Variants in FOXN3 observed in about 807,000 individuals in gnomAD.
FOXN3 encodes forkhead box N3, also known as forkhead box protein N3.
FOXN3 carries 7 observed loss-of-function variants against 38.4 expected under a neutral mutation model. The observed-to-expected ratio is 0.18, with a 90% CI of 0.10 to 0.34. The LOEUF is 0.34. Among genes scored for constraint, FOXN3 ranks in the 10% least tolerant of loss-of-function variants. The pLI, the probability that FOXN3 is intolerant of heterozygous loss-of-function variation, is 1.00. For missense variants in FOXN3, 456 were observed against 613.4 expected (o/e 0.74, Z 2.71); for synonymous variants, 230 against 242.2 (o/e 0.95, Z 0.47).
chr14:89,305,961 A>G (rs1412178823), intron 3 of FOXN3, among the ~76,000 whole-genome samples: 1 of 152,216 alleles, frequency 6.6e-6, no homozygotes, highest in Non-Finnish European at 1.5e-5. Context: ...AAGGATGAAA[A>G]GAAGCAGCTG....
At position 89,360,766 on chromosome 14, in the gene FOXN3, C is replaced by G. The variant is rs796469349; in HGVS notation, c.544-9958G>C. On this transcript the variant is annotated intron_variant, in intron 2 of 5. Transcript: ENST00000557258. ...ACCACCTCCACCACCACCTCCACCA[C>G]TACCACCTCCACCACCACCTCCACC... 6.4e-3 allele frequency among the ~76,000 whole-genome samples: 323 copies of G among 50,606 alleles called. 10 individuals are homozygous for G. The highest frequency in any genetic ancestry group is 0.038 in the Middle Eastern group (4 of 106). 33.2% of individuals were successfully genotyped at this position (50,606 alleles called of 152,430 possible).
chr14:89,609,958 C>T (rs369422497), intron 1 of FOXN3, among the ~76,000 whole-genome samples: 1 of 151,832 alleles, frequency 6.6e-6, no homozygotes. Context: ...TGGTTGTAAC[C>T]GAGGGAGAAA....
At chr14:89,257,618 C>T (rs1402529384) in intron 4 of FOXN3, among the ~76,000 whole-genome samples, 2 of 152,072 alleles carry the variant, frequency 1.3e-5, no homozygotes, top group African/African-American at 2.4e-5. Context: ...GGCATAGTGG[C>T]GCACACCTAT....
intron 1 of FOXN3, among the ~76,000 whole-genome samples, chr14:89,518,195 T>C (rs189111463): frequency 1.7e-3 from 266 of 152,294 alleles, no homozygotes; most frequent in Middle Eastern, 3.4e-3. Flanking sequence ...CCCTGAAGGT[T>C]CCCTTATCCT....
chr14:89,251,205 G>T (rs928883323), intron 4 of FOXN3, among the ~76,000 whole-genome samples: 2 of 152,156 alleles, frequency 1.3e-5, no homozygotes, highest in Admixed American at 1.3e-4. Context: ...CTAGCCTCCA[G>T]CCTTCTTCCC....
At chr14:89,205,522 C>T (rs1023111759) in intron 4 of FOXN3, among the ~76,000 whole-genome samples, 5 of 152,222 alleles carry the variant, frequency 3.3e-5, no homozygotes, top group Non-Finnish European at 5.9e-5. Context: ...AGCGGCTGGA[C>T]GTTAAGAGGA....
intron 1 of FOXN3, among the ~76,000 whole-genome samples, chr14:89,441,192 C>G (rs1566657375): frequency 6.6e-6 from 1 of 152,188 alleles, no homozygotes; most frequent in Non-Finnish European, 1.5e-5. Flanking sequence ...GGGCCCTTTC[C>G]CTCCTCCCTG....
intron 1 of FOXN3, among the ~76,000 whole-genome samples, chr14:89,444,563 C>T (rs8006343): frequency 0.49 from 73,908 of 151,860 alleles, 18,808 homozygotes; most frequent in Middle Eastern, 0.64. Flanking sequence ...AGCATGAAGG[C>T]GGCTGTATCT....
intron 4 of FOXN3, among the ~76,000 whole-genome samples, chr14:89,250,192 C>A (rs531766708): frequency 1.6e-4 from 25 of 152,284 alleles, no homozygotes; most frequent in African/African-American, 5.3e-4. Flanking sequence ...CTCACTGTAG[C>A]CTTGACTTCC....
rs1891765749 is a variant in FOXN3, at chr14:89,417,152, C to A, written c.-296G>T. 2 of 144,834 alleles carry A rather than the reference C, an allele frequency of 1.4e-5. No homozygotes were observed. Among genetic ancestry groups the A allele is most frequent in the African/African-American group, 2.5e-5 (1 of 40,452 alleles). 9.0% of individuals were successfully genotyped at this position (144,834 alleles called of 1,614,324 possible). Reference sequence around the variant, plus strand: ...TCCCCGCCCCGTCCCGCCTCCCGCTCGCCTCCGCCGCGGCGCGTCGGGCCG... The same window carrying A: ...TCCCCGCCCCGTCCCGCCTCCCGCTAGCCTCCGCCGCGGCGCGTCGGGCCG... On this transcript the variant is annotated 5_prime_UTR_variant, in exon 1 of 6. The change creates a premature stop within an existing upstream ORF in the 5' untranslated region. Coordinates refer to ENST00000557258, the MANE Select transcript of FOXN3 (RefSeq NM_005197.4).
chr14:89,427,369 G>A (rs1440673592), intron 1 of FOXN3, among the ~76,000 whole-genome samples: 3 of 131,352 alleles, frequency 2.3e-5, no homozygotes, highest in Admixed American at 8.1e-5. Flanking sequence ...GCAGTGGTGC[G>A]ATCTTGGCTC....
At chr14:89,530,096 C>A (rs7141549) in intron 1 of FOXN3, among the ~76,000 whole-genome samples, 2,190 of 152,076 alleles carry the variant, frequency 0.014, 39 homozygotes, top group African/African-American at 0.05. Flanking sequence ...TGTGCCACCA[C>A]GCCTGGCTAA....
chr14:89,609,902 G>C (rs1896355912), intron 1 of FOXN3, among the ~76,000 whole-genome samples: 1 of 152,120 alleles, frequency 6.6e-6, no homozygotes, highest in Non-Finnish European at 1.5e-5. Flanking sequence ...GGCGGGGGCG[G>C]CGGCGGCTGG....
intron 3 of FOXN3, among the ~76,000 whole-genome samples, chr14:89,338,105 G>A (rs1462568580): frequency 3.9e-5 from 6 of 152,142 alleles, no homozygotes; most frequent in Non-Finnish European, 8.8e-5. Context: ...GGGACACTCG[G>A]ACCTTGGCAG....
intron 1 of FOXN3, among the ~76,000 whole-genome samples, chr14:89,543,403 T>C (rs1049543189): frequency 1.3e-5 from 2 of 152,114 alleles, no homozygotes; most frequent in African/African-American, 4.8e-5. Context: ...TAGAAGTCAA[T>C]GAAATTAGCA....
chr14:89,341,320 T>G (rs1888609289), intron 3 of FOXN3, among the ~76,000 whole-genome samples: 1 of 152,146 alleles, frequency 6.6e-6, no homozygotes, highest in South Asian at 2.1e-4. Flanking sequence ...ATCCATCAAG[T>G]CCAAATCTGT....
intron 1 of FOXN3, among the ~76,000 whole-genome samples, chr14:89,449,892 A>T (rs1037377964): frequency 6.6e-6 from 1 of 152,196 alleles, no homozygotes; most frequent in African/African-American, 2.4e-5. Context: ...AGTTGGTCTT[A>T]GGTCAGATGA....
intron 4 of FOXN3, among the ~76,000 whole-genome samples, chr14:89,273,223 T>C (rs1268904570): frequency 6.6e-6 from 1 of 152,176 alleles, no homozygotes; most frequent in Non-Finnish European, 1.5e-5. Flanking sequence ...CCCGCCCTGA[T>C]TCCCCTCTTC....
chr14:89,458,585 A>G (rs1400816448), intron 1 of FOXN3, among the ~76,000 whole-genome samples: 3 of 152,148 alleles, frequency 2.0e-5, no homozygotes, highest in African/African-American at 7.2e-5. Context: ...GTGAACTGGG[A>G]GTTTGGTTAT....
Sources: allele counts gnomAD v4.1 joint callset (sites outside exome capture counted in the v4.1 genomes callset), GRCh38; gene constraint gnomAD v4.1.1; transcripts MANE v1.5; gene names NCBI Gene and HGNC (gene_info 2026-07-23, HGNC 2026-07-21).